The following CPXM2 variants were observed in gnomAD, a reference collection of about 807,000 sequenced individuals.
The protein encoded by CPXM2 is carboxypeptidase X, M14 family member 2.
A neutral mutation model predicts 86.1 loss-of-function variants in CPXM2; 66 were observed. The observed-to-expected ratio is 0.77, with a 90% CI of 0.63 to 0.94. The LOEUF (loss-of-function observed/expected upper bound fraction) is 0.94, where lower values mean the gene tolerates loss of function less well. Among genes scored for constraint, CPXM2 ranks in the 40% least tolerant of loss-of-function variants. The pLI is 0.00. For synonymous variants in CPXM2, 388 were observed against 400.2 expected, an observed-to-expected ratio of 0.97 and a Z score of 0.36; for missense variants, 948 against 1,026.3, an observed-to-expected ratio of 0.92 and a Z score of 1.04.
intron 2 of CPXM2, among the ~76,000 whole-genome samples, chr10:123,918,370 T>G (rs116790924): frequency 6.6e-6 from 1 of 152,302 alleles, no homozygotes; most frequent in South Asian, 2.1e-4. Flanking sequence ...CTTCTACTGG[T>G]TACAACTAAA....
At chr10:123,889,372 CTTGT>C (rs1945229780) in intron 1 of CPXM2, among the ~76,000 whole-genome samples, 1 of 151,226 alleles carries the variant, frequency 6.6e-6, no homozygotes, top group Non-Finnish European at 1.5e-5. Flanking sequence ...GCTCCCCCAG[CTTGT>C]TTGTTACCTT....
intron 3 of CPXM2, among the ~76,000 whole-genome samples, chr10:123,845,186 G>C (rs190949277): frequency 1.3e-5 from 2 of 152,116 alleles, no homozygotes. Context: ...GGGGATACTA[G>C]GCACAGAGGA....
At chr10:123,873,731 C>T (rs1944931345) in intron 2 of CPXM2, among the ~76,000 whole-genome samples, 2 of 152,232 alleles carry the variant, frequency 1.3e-5, no homozygotes, top group Admixed American at 6.5e-5. Context: ...TATATGGATA[C>T]TTGACATCCA....
At chr10:123,913,446 C>T (rs1227632655) in intron 2 of CPXM2, 1 of 152,598 alleles carries the variant, frequency 6.6e-6, no homozygotes, top group Non-Finnish European at 1.5e-5. Flanking sequence ...CAAAAGAGCA[C>T]TGGAATTATT....
chr10:123,879,257 A>C (rs1209692345), intron 2 of CPXM2, among the ~76,000 whole-genome samples: 1 of 152,204 alleles, frequency 6.6e-6, no homozygotes, highest in Non-Finnish European at 1.5e-5. Context: ...TGTGACAATC[A>C]ACTCTGGAAC....
chr10:123,924,344 G>A (rs766651866), intron 2 of CPXM2, among the ~76,000 whole-genome samples: 5 of 152,318 alleles, frequency 3.3e-5, no homozygotes, highest in South Asian at 2.1e-4. Context: ...CAATGACCCC[G>A]TGTAGGGGTT....
chr10:123,872,988 G>A (rs1944917847), intron 2 of CPXM2, among the ~76,000 whole-genome samples: 1 of 151,540 alleles, frequency 6.6e-6, no homozygotes, highest in Non-Finnish European at 1.5e-5. Flanking sequence ...AGGCCAAATA[G>A]CAAGAAAACT....
intron 6 of CPXM2, among the ~76,000 whole-genome samples, chr10:123,789,086 A>G (rs563145293): frequency 7.1e-4 from 108 of 152,226 alleles, no homozygotes; most frequent in African/African-American, 2.5e-3. Flanking sequence ...TGAGCTGAGC[A>G]CGAAACCCCT....
chr10:123,893,805 T>C (rs1323081000), upstream of CPXM2, among the ~76,000 whole-genome samples: 1 of 152,194 alleles, frequency 6.6e-6, no homozygotes. Flanking sequence ...ACACCCAGCG[T>C]TCCAGCGAGC....
At chr10:123,862,565 G>A (rs1848874601) in intron 3 of CPXM2, 49 bp downstream of exon 3, 7 of 1,513,178 alleles carry the variant, frequency 4.6e-6, no homozygotes, top group Non-Finnish European at 6.4e-6. Flanking sequence ...CAAGGAACCA[G>A]AGCAATAAAC....
At chr10:123,832,965 G>A (rs1254590943) in intron 4 of CPXM2, among the ~76,000 whole-genome samples, 1 of 152,174 alleles carries the variant, frequency 6.6e-6, no homozygotes, top group Non-Finnish European at 1.5e-5. Flanking sequence ...AGGACACAGA[G>A]TTCATCCCCT....
Position 123,754,679 on chromosome 10 carries a change from G to A in CPXM2, c.2001C>T (p.Asn667=), listed in dbSNP as rs770208711. ...PNAIISVEGI[N]HDIRTANDGD... is the part of the protein sequence containing the mutation. ...TGCAGTTACCTGTTCGGATGTCATG[G>A]TTAATGCCTTCTACGGAGATAATGG... Residue 667 remains asparagine (N), a synonymous_variant, in exon 13 of 14, where the codon AAC becomes AAT. Transcript: ENST00000241305. This position sits in a 1 kb window ranked among gnomAD's most constrained non-coding sequence, Gnocchi z 4.0. The A allele has an allele frequency of 6.6e-5, 105 of 1,592,190 alleles. No homozygotes were observed. In the South Asian group the frequency reaches 1.1e-3, roughly 16 times the overall value.
intron 4 of CPXM2, among the ~76,000 whole-genome samples, chr10:123,841,171 C>T (rs182100981): frequency 6.6e-6 from 1 of 152,140 alleles, no homozygotes; most frequent in Non-Finnish European, 1.5e-5. Context: ...TCAGAAAGCA[C>T]CTGAGGTCCT....
At chr10:123,768,250 C>T (rs973466447) in intron 9 of CPXM2, among the ~76,000 whole-genome samples, 5 of 152,044 alleles carry the variant, frequency 3.3e-5, no homozygotes, top group Non-Finnish European at 5.9e-5. Context: ...TGGTGGCTGG[C>T]GGCCGTAATC....
chr10:123,772,838 C>T lies in CPXM2; in HGVS notation c.979-1799G>A, dbSNP rs563167097. Among the ~76,000 whole-genome samples, 15 of 151,924 alleles carry T rather than the reference C, an allele frequency of 9.9e-5. No individual in the cohort carries two copies. In the South Asian group the frequency reaches 1.0e-3, roughly 11 times the overall value. ...ACTTCCCTGGTTGTGGTTATCACCT[C>T]CCTGGTTGTGGTTATCACCTCTCTG... On this transcript the variant is annotated intron_variant, in intron 7 of 13. Coordinates refer to ENST00000241305, the MANE Select transcript of CPXM2 (RefSeq NM_198148.3).
chr10:123,895,354 C>T (rs1685461190), upstream of CPXM2, among the ~76,000 whole-genome samples: 1 of 152,046 alleles, frequency 6.6e-6, no homozygotes, highest in South Asian at 2.1e-4. Context: ...GAACTTCTGA[C>T]CTCAGGTGAT....
chr10:123,934,378 A>G (rs1284892932), intron 2 of CPXM2, among the ~76,000 whole-genome samples: 1 of 151,316 alleles, frequency 6.6e-6, no homozygotes, highest in African/African-American at 2.4e-5. Context: ...GGCTCCTGGT[A>G]TCCCTTGCCT....
intron 4 of CPXM2, among the ~76,000 whole-genome samples, chr10:123,823,676 A>T (rs971739839): frequency 1.3e-5 from 2 of 152,218 alleles, no homozygotes; most frequent in African/African-American, 2.4e-5. Context: ...CAAAATGAGA[A>T]AGAGAAAAAA....
intron 2 of CPXM2, among the ~76,000 whole-genome samples, chr10:123,920,532 A>C (rs72631127): frequency 6.6e-6 from 1 of 152,218 alleles, no homozygotes; most frequent in Non-Finnish European, 1.5e-5. Context: ...ATAGAGAAAA[A>C]GCTAGGTAGA....
Sources: allele counts gnomAD v4.1 joint callset (sites outside exome capture counted in the v4.1 genomes callset), GRCh38; gene constraint gnomAD v4.1.1; non-coding constraint Gnocchi (gnomAD v3.1); transcripts MANE v1.5; gene names NCBI Gene and HGNC (gene_info 2026-07-23, HGNC 2026-07-21).